The following ARK2C variants were observed in gnomAD, a reference collection of about 807,000 sequenced individuals.
ARK2C encodes E3 ubiquitin-protein ligase ARK2C.
the ARK2C span, among the ~76,000 whole-genome samples, chr18:46,440,273 TGA>T: frequency 0.073 from 10,758 of 147,302 alleles, 404 homozygotes; most frequent in African/African-American, 0.084. Flanking sequence ...TTTGAGAGAC[TGA>T]GAGAGAGAGA....
chr18:46,419,205 C>A, the ARK2C span, among the ~76,000 whole-genome samples: 12 of 152,286 alleles, frequency 7.9e-5, no homozygotes, highest in African/African-American at 2.9e-4. Context: ...ACAGACGGCA[C>A]TGGAGCTTGA....
At chr18:46,400,120 G>A in the ARK2C span, among the ~76,000 whole-genome samples, 4 of 152,132 alleles carry the variant, frequency 2.6e-5, no homozygotes, top group African/African-American at 9.7e-5. Context: ...TCTCCTGGCG[G>A]GTGTCCTGCT....
At chr18:46,405,292 C>T in the ARK2C span, among the ~76,000 whole-genome samples, 1 of 152,094 alleles carries the variant, frequency 6.6e-6, no homozygotes, top group Non-Finnish European at 1.5e-5. Flanking sequence ...TGGGAGGTGC[C>T]CGTGGCCAGA....
the ARK2C span, among the ~76,000 whole-genome samples, chr18:46,398,757 T>C: frequency 6.6e-6 from 1 of 151,962 alleles, no homozygotes; most frequent in Non-Finnish European, 1.5e-5. Flanking sequence ...GGGCCAGATA[T>C]CCCAAATACT....
the ARK2C span, among the ~76,000 whole-genome samples, chr18:46,441,760 C>A: frequency 6.7e-6 from 1 of 149,170 alleles, no homozygotes; most frequent in Non-Finnish European, 1.5e-5. Flanking sequence ...CAGTGGCGGG[C>A]GCCTGTAGTC....
chr18:46,451,447 A>G, the ARK2C span, among the ~76,000 whole-genome samples: 4 of 152,204 alleles, frequency 2.6e-5, no homozygotes, highest in Admixed American at 1.3e-4. Context: ...AATAGATGAA[A>G]GATAGATAAA....
the ARK2C span, chr18:46,450,397 T>C: frequency 6.2e-7 from 1 of 1,602,076 alleles, no homozygotes. Context: ...GGGAGAGCTA[T>C]GAGGTATGTT....
chr18:46,411,617 C>T, the ARK2C span, among the ~76,000 whole-genome samples: 1 of 152,238 alleles, frequency 6.6e-6, no homozygotes, highest in East Asian at 1.9e-4. Flanking sequence ...TTCCTGTCCC[C>T]AGCTGTGACG....
the ARK2C span, among the ~76,000 whole-genome samples, chr18:46,384,684 C>A: frequency 6.6e-6 from 1 of 152,134 alleles, no homozygotes; most frequent in Non-Finnish European, 1.5e-5. Flanking sequence ...CACTTGGGAC[C>A]ATGGCCAACC....
chr18:46,380,706 G>A, the ARK2C span, among the ~76,000 whole-genome samples: 11 of 152,182 alleles, frequency 7.2e-5, no homozygotes, highest in Non-Finnish European at 1.3e-4. Flanking sequence ...TGAGACTCTG[G>A]AGCCTCGAAC....
At chr18:46,365,498 AT>A in the ARK2C span, among the ~76,000 whole-genome samples, 12 of 151,426 alleles carry the variant, frequency 7.9e-5, no homozygotes, top group East Asian at 9.7e-4. Context: ...GTGATCTTGA[AT>A]TTTTTTTTGT....
chr18:46,438,835 G>A, the ARK2C span, among the ~76,000 whole-genome samples: 4 of 152,216 alleles, frequency 2.6e-5, no homozygotes, highest in Non-Finnish European at 5.9e-5. Context: ...TTGCATCTGT[G>A]TAGTGCTCTA....
chr18:46,391,313 CTG>C, the ARK2C span, among the ~76,000 whole-genome samples: 1 of 152,182 alleles, frequency 6.6e-6, no homozygotes, highest in Admixed American at 6.5e-5. Flanking sequence ...ACCTGAACCA[CTG>C]TGTCCCATGG....
the ARK2C span, among the ~76,000 whole-genome samples, chr18:46,413,866 G>A: frequency 6.6e-6 from 1 of 152,068 alleles, no homozygotes; most frequent in Admixed American, 6.5e-5. Flanking sequence ...CTCCTCATGG[G>A]GAGCCTTGTT....
the ARK2C span, among the ~76,000 whole-genome samples, chr18:46,411,875 T>TCCTGAA: frequency 2.0e-5 from 3 of 152,168 alleles, no homozygotes; most frequent in Non-Finnish European, 4.4e-5. Flanking sequence ...GGTCCCTTTC[T>TCCTGAA]CCTGAACCTG....
the ARK2C span, among the ~76,000 whole-genome samples, chr18:46,420,615 A>G: frequency 3.3e-5 from 5 of 151,964 alleles, no homozygotes; most frequent in East Asian, 7.8e-4. Context: ...GAGGCTGAGG[A>G]GGGTGGATCA....
the ARK2C span, among the ~76,000 whole-genome samples, chr18:46,379,368 C>T: frequency 3.3e-5 from 5 of 152,146 alleles, no homozygotes; most frequent in Admixed American, 6.5e-5. Flanking sequence ...CGAGACTAAG[C>T]GCTGGTTTCT....
the ARK2C span, among the ~76,000 whole-genome samples, chr18:46,366,210 T>A: frequency 4.1e-5 from 6 of 145,740 alleles, no homozygotes; most frequent in Non-Finnish European, 8.9e-5. Context: ...GAGACTCGCT[T>A]GAACCCGGGA....
chr18:46,433,572 T>C, the ARK2C span: 1 of 1,382,868 alleles, frequency 7.2e-7, no homozygotes, highest in Non-Finnish European at 9.8e-7. Context: ...GGCCAGGGCG[T>C]GGGCAGGGCC....
Sources: gnomAD v4.1 joint callset for allele counts (sites outside exome capture counted in the v4.1 genomes callset) on GRCh38, gnomAD v4.1.1 for gene constraint, MANE v1.5 for transcripts, NCBI Gene and HGNC (gene_info 2026-07-23, HGNC 2026-07-21) for gene names.